RELN: variants seen among roughly 807,000 people sequenced by gnomAD.
The protein encoded by RELN is reelin.
A neutral mutation model predicts 427.6 loss-of-function variants in RELN; 108 were observed. The observed-to-expected ratio is 0.25, with a 90% CI of 0.22 to 0.30. The LOEUF is 0.30. RELN is among the 10% of genes least tolerant of loss of function. RELN has a pLI of 1.00. For missense variants in RELN, 3,715 were observed against 4,302.8 expected, an observed-to-expected ratio of 0.86 and a Z score of 3.82; for synonymous variants, 1,524 against 1,513.4, an observed-to-expected ratio of 1.01 and a Z score of -0.16.
chr7:103,618,295 C>G (rs1019096638), intron 20 of RELN, among the ~76,000 whole-genome samples: 1 of 152,232 alleles, frequency 6.6e-6, no homozygotes, highest in Non-Finnish European at 1.5e-5. Flanking sequence ...CTATGGTATT[C>G]AATGTGTGGA....
chr7:103,698,218 G>A, intron 9 of RELN, 125 bp from the exon 10 acceptor site: 2 of 1,179,410 alleles, frequency 1.7e-6, no homozygotes, highest in Non-Finnish European at 2.5e-6. Flanking sequence ...AGATAAAATA[G>A]CTACAATCTC....
intron 4 of RELN, among the ~76,000 whole-genome samples, chr7:103,757,596 G>C (rs934465657): frequency 2.0e-5 from 3 of 152,154 alleles, no homozygotes; most frequent in African/African-American, 7.2e-5. Context: ...TAAAGAAGTG[G>C]GTTTTGGTTT....
Position 103,566,609 on chromosome 7 carries a change from G to A in RELN, c.4739C>T (p.Pro1580Leu), listed in dbSNP as rs1488556290. ...TPATAFRWWQPQHGKHSAQWA... is the reference protein window; with the variant it reads ...TPATAFRWWQLQHGKHSAQWA... ...AGTGAGCAGTAACTTACCATGTTGCGGTTGCCACCATCGAAATGCCGTTGC... is the reference window on the plus strand; with the variant it reads ...AGTGAGCAGTAACTTACCATGTTGCAGTTGCCACCATCGAAATGCCGTTGC... The change falls in exon 32 of 65, where the codon CCG becomes CTG. Residue 1580 changes from proline to leucine, a missense_variant. Coordinates refer to ENST00000428762, the MANE Select transcript of RELN (RefSeq NM_005045.4). 3.1e-6 allele frequency: 5 copies of A among 1,613,994 alleles called. No homozygotes were observed. The highest frequency in any genetic ancestry group is 1.1e-5 in the South Asian group (1 of 91,074).
chr7:103,740,090 T>G (rs1285012029), intron 6 of RELN, among the ~76,000 whole-genome samples: 2 of 152,062 alleles, frequency 1.3e-5, no homozygotes, highest in Non-Finnish European at 2.9e-5. Context: ...CATTCTACCT[T>G]CTACCTTTGC....
At chr7:103,951,265 A>G (rs895367980) in intron 1 of RELN, among the ~76,000 whole-genome samples, 14 of 152,264 alleles carry the variant, frequency 9.2e-5, no homozygotes, top group African/African-American at 3.1e-4. Context: ...TTTACAATCT[A>G]TAAACAAATC....
intron 6 of RELN, among the ~76,000 whole-genome samples, chr7:103,730,035 C>T (rs1216598406): frequency 1.3e-5 from 2 of 151,996 alleles, no homozygotes; most frequent in Non-Finnish European, 2.9e-5. Flanking sequence ...ATAGTAGGCT[C>T]CTTACTTTAG....
At chr7:103,572,391 G>A (rs769328716) in intron 30 of RELN, 131 bp from the exon 31 acceptor site, 15 of 653,320 alleles carry the variant, frequency 2.3e-5, no homozygotes, top group African/African-American at 2.0e-4. Flanking sequence ...AAGGGCATAT[G>A]AGAAGCAGAA....
intron 8 of RELN, among the ~76,000 whole-genome samples, chr7:103,711,668 T>G (rs1789805259): frequency 6.6e-6 from 1 of 152,154 alleles, no homozygotes; most frequent in South Asian, 2.1e-4. Flanking sequence ...AAAAAGCTAT[T>G]TTTTTAAAGG....
At chr7:103,625,234 T>C (rs575093169) in intron 20 of RELN, among the ~76,000 whole-genome samples, 1 of 152,288 alleles carries the variant, frequency 6.6e-6, no homozygotes, top group South Asian at 2.1e-4. Context: ...TGATAACATA[T>C]TCAGTGTTGC....
At chr7:103,766,527 C>T (rs535869025) in intron 4 of RELN, among the ~76,000 whole-genome samples, 10 of 152,214 alleles carry the variant, frequency 6.6e-5, no homozygotes, top group African/African-American at 2.2e-4. Context: ...ACAATTTTTA[C>T]AATAGTTGGG....
chr7:103,717,986 T>C (rs2115881730), intron 8 of RELN, among the ~76,000 whole-genome samples: 1 of 152,292 alleles, frequency 6.6e-6, no homozygotes, highest in African/African-American at 2.4e-5. Context: ...AAAAATCAAC[T>C]GCTTTTCTTA....
intron 45 of RELN, among the ~76,000 whole-genome samples, chr7:103,537,196 C>T (rs138323009): frequency 7.9e-5 from 12 of 152,290 alleles, no homozygotes; most frequent in African/African-American, 2.9e-4. Flanking sequence ...CCTCTATGTT[C>T]AACTCAGTCC....
intron 6 of RELN, among the ~76,000 whole-genome samples, chr7:103,731,514 G>T (rs1277408205): frequency 6.6e-6 from 1 of 151,982 alleles, no homozygotes. Context: ...CCACTTAGAC[G>T]ATGCTAGAAC....
At chr7:103,966,486 A>C (rs1796663511) in intron 1 of RELN, among the ~76,000 whole-genome samples, 1 of 152,226 alleles carries the variant, frequency 6.6e-6, no homozygotes. Context: ...CAGGTACAGA[A>C]TTGATTTTTT....
At chr7:103,730,785 C>T (rs921222630) in intron 6 of RELN, among the ~76,000 whole-genome samples, 5 of 152,140 alleles carry the variant, frequency 3.3e-5, no homozygotes, top group Non-Finnish European at 5.9e-5. Context: ...GAATTTCTCA[C>T]AGTCTGACTG....
intron 6 of RELN, among the ~76,000 whole-genome samples, chr7:103,732,017 C>T (rs984409615): frequency 3.3e-5 from 5 of 152,170 alleles, no homozygotes; most frequent in Middle Eastern, 3.4e-3. Context: ...GTTCCACAGC[C>T]GTATGTGACT....
At chr7:103,709,858 G>C (rs927842547) in intron 8 of RELN, among the ~76,000 whole-genome samples, 12 of 152,210 alleles carry the variant, frequency 7.9e-5, no homozygotes, top group African/African-American at 2.9e-4. Flanking sequence ...CAGAACAGTA[G>C]CTATAGCAGT....
At chr7:103,887,640 T>C (rs1794754035) in intron 2 of RELN, among the ~76,000 whole-genome samples, 1 of 152,080 alleles carries the variant, frequency 6.6e-6, no homozygotes, top group African/African-American at 2.4e-5. Context: ...AACTGGATGT[T>C]ATATGAGTAA....
chr7:103,506,233 A>G (rs1442043395), intron 51 of RELN, among the ~76,000 whole-genome samples: 1 of 152,218 alleles, frequency 6.6e-6, no homozygotes, highest in Non-Finnish European at 1.5e-5. Context: ...GGAAATACAG[A>G]GAACGCCACA....
Sources: allele counts gnomAD v4.1 joint callset (sites outside exome capture counted in the v4.1 genomes callset), GRCh38; gene constraint gnomAD v4.1.1; transcripts MANE v1.5; gene names NCBI Gene and HGNC (gene_info 2026-07-23, HGNC 2026-07-21).